GRAMD2A: variants seen among roughly 807,000 people sequenced by gnomAD.
The protein encoded by GRAMD2A is GRAM domain-containing protein 2A.
GRAMD2A carries 37 observed loss-of-function variants against 51.1 expected under a neutral mutation model. The observed-to-expected ratio is 0.72, with a 90% CI of 0.56 to 0.95. The LOEUF is 0.95. Ranked by LOEUF, GRAMD2A falls within the 40% of genes least tolerant of loss-of-function variation. GRAMD2A has a pLI of 0.00. For synonymous variants in GRAMD2A, 136 were observed against 157.1 expected, an observed-to-expected ratio of 0.87 and a Z score of 1.01; for missense variants, 414 against 426.9, an observed-to-expected ratio of 0.97 and a Z score of 0.27.
rs1381986175 is a variant in GRAMD2A, at chr15:72,166,527, A to G, written c.543+105T>C. 1 of 805,370 alleles carries G rather than the reference A, an allele frequency of 1.2e-6. No homozygotes were observed. The highest frequency in any genetic ancestry group is 1.7e-5 in the African/African-American group (1 of 59,592). 49.9% of individuals were successfully genotyped at this position (805,370 alleles called of 1,614,324 possible). ...CCTTTAACTCCCCTCTCCCTGCCCC[A>G]TTCCCTGTGCTGGAGAGATGGGCGA... On this transcript the variant is annotated intron_variant, in intron 7 of 11. Transcript: ENST00000309731. This position sits in a 1 kb window ranked among gnomAD's most constrained non-coding sequence, Gnocchi z 4.1.
intron 1 of GRAMD2A, among the ~76,000 whole-genome samples, chr15:72,181,567 C>G (rs1327597316): frequency 6.6e-6 from 1 of 152,026 alleles, no homozygotes; most frequent in Non-Finnish European, 1.5e-5. Context: ...TGATGGAGGG[C>G]CAGGGATGGA....
At chr15:72,178,807 C>G (rs1372778459) in intron 1 of GRAMD2A, among the ~76,000 whole-genome samples, 1 of 151,900 alleles carries the variant, frequency 6.6e-6, no homozygotes, top group Non-Finnish European at 1.5e-5. Flanking sequence ...ATCTCCTGAC[C>G]TTGTGATCCG....
intron 3 of GRAMD2A, 131 bp from the exon 4 acceptor site, chr15:72,168,697 C>A: frequency 3.7e-6 from 3 of 804,524 alleles, no homozygotes; most frequent in Non-Finnish European, 6.4e-6. Context: ...AGCTAGTAAG[C>A]AGCCAGTGAG....
chr15:72,196,660 A>G (rs1462659101), intron 1 of GRAMD2A, among the ~76,000 whole-genome samples: 1 of 152,154 alleles, frequency 6.6e-6, no homozygotes, highest in Non-Finnish European at 1.5e-5. Flanking sequence ...ACAGGTGGAC[A>G]TGGGGTGAAG....
At chr15:72,181,425 G>C (rs574308569) in intron 1 of GRAMD2A, among the ~76,000 whole-genome samples, 1 of 152,306 alleles carries the variant, frequency 6.6e-6, no homozygotes, top group South Asian at 2.1e-4. Context: ...ATTGTAGCTG[G>C]GTGATACATA....
intron 10 of GRAMD2A, among the ~76,000 whole-genome samples, chr15:72,163,062 G>T (rs965664199): frequency 6.6e-6 from 1 of 152,070 alleles, no homozygotes; most frequent in Non-Finnish European, 1.5e-5. Context: ...TAAATTACAG[G>T]GTTTCAAGAA....
In GRAMD2A at chr15:72,160,559, C is replaced by A. The variant is rs150411826; in HGVS notation, c.*1450G>T. ...CTGCTTCACAATAAATAATTTCCAC[C>A]TGGATTTCATTCCCTGATTAATCTC... On this transcript the variant is annotated 3_prime_UTR_variant, in exon 12 of 12. Coordinates refer to ENST00000309731, the MANE Select transcript of GRAMD2A (RefSeq NM_001012642.3). The A allele has an allele frequency of 9.2e-5, 14 of 152,312 alleles. No individual in the cohort carries two copies. Among genetic ancestry groups the A allele is most frequent in the African/African-American group, 3.1e-4 (13 of 41,554 alleles). The allele number at this position is 152,312 out of a possible 1,614,324, so 9.4% of individuals were successfully genotyped here.
intron 7 of GRAMD2A, 32 bp from the exon 8 acceptor site, chr15:72,165,442 C>T (rs2081532436): frequency 6.2e-7 from 1 of 1,608,840 alleles, no homozygotes; most frequent in Non-Finnish European, 8.5e-7. Flanking sequence ...AGTCACTTGT[C>T]CATCTGGAAC....
chr15:72,182,933 G>A (rs967709152), intron 1 of GRAMD2A, among the ~76,000 whole-genome samples: 3 of 152,088 alleles, frequency 2.0e-5, no homozygotes, highest in African/African-American at 4.8e-5. Flanking sequence ...GTACAGTGGC[G>A]CAATCATGGC....
chr15:72,194,294 A>G (rs1255666317), intron 1 of GRAMD2A, among the ~76,000 whole-genome samples: 2 of 152,256 alleles, frequency 1.3e-5, no homozygotes, highest in East Asian at 1.9e-4. Flanking sequence ...TCTTGACTTC[A>G]AGGGCTTTCC....
At position 72,168,524 on chromosome 15, in the gene GRAMD2A, T is replaced by G; in HGVS notation, c.235A>C (p.Lys79Gln). ...KYNQQYHKLF[K>Q]DVPLEEVVLK... ...ACCACTTCCTCCAAGGGAACATCCT[T>G]AAACAGCTTGTGGTATTGCTGGTTG... Residue 79 changes from lysine (K) to glutamine (Q), a missense_variant, in exon 4 of 12, where the codon AAG becomes CAG. By Grantham distance (53) the Lys-to-Gln change is moderately conservative. Transcript: ENST00000309731. The G allele has an allele frequency of 6.2e-7, 1 of 1,613,864 alleles. No homozygotes were observed.
In GRAMD2A at chr15:72,163,716, A is replaced by G; in HGVS notation, c.642T>C (p.Pro214=). 1 of 1,608,786 alleles carries G rather than the reference A, an allele frequency of 6.2e-7. No individual in the cohort carries two copies. Among genetic ancestry groups the G allele is most frequent in the Non-Finnish European group, 8.5e-7 (1 of 1,178,676 alleles). Residue 214 remains proline, a synonymous_variant, in exon 9 of 12, where the codon CCT becomes CCC. Coordinates refer to ENST00000309731, the MANE Select transcript of GRAMD2A (RefSeq NM_001012642.3). Reference sequence around the variant, plus strand: ...CTGGGAGAGACAGGGACCTGGAGGAAGGGCATACCTTTCTCCACTTCATCT... The same window carrying G: ...CTGGGAGAGACAGGGACCTGGAGGAGGGGCATACCTTTCTCCACTTCATCT... The part of the protein sequence containing the change: ...IPEMKWRKVC[P]SSRSLSLPDN...
rs2081566614 is a variant in GRAMD2A, at chr15:72,167,943, T to G, written c.269-104A>C. 4 of 781,906 alleles carry G rather than the reference T, an allele frequency of 5.1e-6. No individual in the cohort carries two copies. In the Admixed American group the frequency reaches 6.1e-5, roughly 12 times the overall value. 48.4% of individuals were successfully genotyped at this position (781,906 alleles called of 1,614,324 possible). A position where few individuals can be genotyped will look rare whatever the true frequency, so the allele number is the denominator to read the frequency against. On this transcript the variant is annotated intron_variant, in intron 4 of 11. Transcript: ENST00000309731. The stretch of plus-strand genomic sequence containing the variant: ...GAGTCCACAGTCCAGCCTCAGGACC[T>G]GTCTTCCTCAGACTCCCCCTTCCCC...
chr15:72,169,697 G>T, intron 2 of GRAMD2A, 150 bp downstream of exon 2: 1 of 705,940 alleles, frequency 1.4e-6, no homozygotes. Context: ...AGGGGCGGGA[G>T]GAAGAAGCCT....
intron 1 of GRAMD2A, among the ~76,000 whole-genome samples, chr15:72,182,053 C>T (rs1276690548): frequency 6.6e-6 from 1 of 152,090 alleles, no homozygotes; most frequent in Non-Finnish European, 1.5e-5. Flanking sequence ...ACCTTTAGCT[C>T]ACACTGTATA....
chr15:72,192,158 G>A (rs1176207360), intron 1 of GRAMD2A, among the ~76,000 whole-genome samples: 1 of 152,114 alleles, frequency 6.6e-6, no homozygotes, highest in Non-Finnish European at 1.5e-5. Flanking sequence ...GGAGAAGGGA[G>A]GTATATATGA....
Position 72,163,704 on chromosome 15 carries a change from G to T in GRAMD2A, c.654C>A (p.Ser218=). Residue 218 remains serine, a synonymous_variant, in exon 9 of 12, where the codon TCC becomes TCA. Coordinates refer to ENST00000309731, the MANE Select transcript of GRAMD2A (RefSeq NM_001012642.3). ...KWRKVCPSSR[S]LSLPDNIPCI... ...AAGGGATGTTGTCTGGGAGAGACAG[G>T]GACCTGGAGGAAGGGCATACCTTTC... is the stretch of plus-strand genomic sequence containing the variant. 6.2e-7 allele frequency: 1 copy of T among 1,609,426 alleles called. No individual in the cohort carries two copies. Among genetic ancestry groups the T allele is most frequent in the Non-Finnish European group, 8.5e-7 (1 of 1,178,770 alleles).
intron 9 of GRAMD2A, 21 bp downstream of exon 9, chr15:72,163,592 G>A (rs1300605862): frequency 6.3e-7 from 1 of 1,592,972 alleles, no homozygotes; most frequent in East Asian, 2.2e-5. Context: ...AGTTGCCATG[G>A]ACAAGCCCTC....
intron 1 of GRAMD2A, among the ~76,000 whole-genome samples, chr15:72,172,682 G>T (rs1364907178): frequency 1.4e-5 from 2 of 142,474 alleles, no homozygotes; most frequent in Non-Finnish European, 3.1e-5. Context: ...CACCTGCCTT[G>T]GCCTCTCCAA....
Sources: gnomAD v4.1 joint callset for allele counts (sites outside exome capture counted in the v4.1 genomes callset) on GRCh38, gnomAD v4.1.1 for gene constraint, Gnocchi (gnomAD v3.1) non-coding constraint, MANE v1.5 for transcripts, NCBI Gene and HGNC (gene_info 2026-07-23, HGNC 2026-07-21) for gene names.